Variants in TMTC2 observed in about 807,000 individuals in gnomAD.
The protein encoded by TMTC2 is transmembrane O-mannosyltransferase targeting cadherins 2, also known as protein O-mannosyl-transferase TMTC2.
In TMTC2, 43 loss-of-function variants were observed where a neutral mutation model predicts 82.4. The observed-to-expected ratio is 0.52, with a 90% confidence interval of 0.41 to 0.67. The LOEUF is 0.67. TMTC2 is among the 30% of genes least tolerant of loss of function. The pLI is 0.00. For missense variants in TMTC2, 919 were observed against 1,012.4 expected, an observed-to-expected ratio of 0.91 and a Z score of 1.25; for synonymous variants, 408 against 381.9, an observed-to-expected ratio of 1.07 and a Z score of -0.80.
chr12:82,817,132 C>A (rs34744076), intron 1 of TMTC2, among the ~76,000 whole-genome samples: 24 of 151,644 alleles, frequency 1.6e-4, no homozygotes, highest in African/African-American at 4.8e-5. Flanking sequence ...CACACCCTTG[C>A]TAATTTTTGT....
chr12:82,827,811 C>T (rs919695889), intron 1 of TMTC2, among the ~76,000 whole-genome samples: 1 of 152,062 alleles, frequency 6.6e-6, no homozygotes, highest in African/African-American at 2.4e-5. Context: ...GATCCTCCCA[C>T]TTCAGCCTCC....
At chr12:82,965,476 A>C (rs1361419251) in intron 5 of TMTC2, 84 bp from the exon 6 acceptor site, 3 of 1,484,358 alleles carry the variant, frequency 2.0e-6, no homozygotes, top group Non-Finnish European at 2.8e-6. Flanking sequence ...TAAACCATAG[A>C]AACCAAATTG....
chr12:82,813,617 A>C (rs1367736534), intron 1 of TMTC2, among the ~76,000 whole-genome samples: 1 of 152,036 alleles, frequency 6.6e-6, no homozygotes, highest in Non-Finnish European at 1.5e-5. Context: ...CTATATTTTT[A>C]CAGTTTTATA....
intron 1 of TMTC2, among the ~76,000 whole-genome samples, chr12:82,813,964 AGAT>A (rs1161996534): frequency 6.6e-6 from 1 of 152,138 alleles, no homozygotes; most frequent in Non-Finnish European, 1.5e-5. Context: ...ATAATAATGA[AGAT>A]GATAATGATA....
chr12:83,108,249 T>C (rs183756563), intron 11 of TMTC2, among the ~76,000 whole-genome samples: 206 of 152,266 alleles, frequency 1.4e-3, no homozygotes, highest in African/African-American at 4.7e-3. Flanking sequence ...ATTACATAGT[T>C]CCTTTAATTT....
In TMTC2 at chr12:83,038,993, G is replaced by A. The variant is rs369158125; in HGVS notation, c.2152+8114G>A. Among the ~76,000 whole-genome samples, 116 of 145,180 alleles carry A rather than the reference G, an allele frequency of 8.0e-4. 3 individuals carry two copies. The South Asian group carries it at 0.024, about 30-fold the overall frequency. On this transcript the variant is annotated intron_variant, in intron 9 of 11. Transcript: ENST00000321196. ...GTTGCATAGGCTGGAGTGCAGTGGC[G>A]CGATCTCAGCTCTCTGCAACCTCTG...
At chr12:82,762,363 C>G (rs1229514561) in intron 1 of TMTC2, among the ~76,000 whole-genome samples, 1 of 152,144 alleles carries the variant, frequency 6.6e-6, no homozygotes, top group Non-Finnish European at 1.5e-5. Flanking sequence ...CCCTCCAATG[C>G]TCGTGCAGTT....
chr12:83,047,631 G>C (rs1012770023), intron 9 of TMTC2, among the ~76,000 whole-genome samples: 1 of 152,094 alleles, frequency 6.6e-6, no homozygotes, highest in African/African-American at 2.4e-5. Flanking sequence ...GATGTGTTGT[G>C]ATATTGTTTT....
chr12:82,721,543 AG>A (rs2136927065), intron 1 of TMTC2, among the ~76,000 whole-genome samples: 1 of 152,342 alleles, frequency 6.6e-6, no homozygotes, highest in East Asian at 1.9e-4. Context: ...CCCATTATGC[AG>A]TGAACCTATT....
chr12:82,820,076 C>A (rs2137061539), intron 1 of TMTC2, among the ~76,000 whole-genome samples: 1 of 152,276 alleles, frequency 6.6e-6, no homozygotes, highest in South Asian at 2.1e-4. Flanking sequence ...TGTTCTACGG[C>A]AGGAAGCATC....
chr12:82,724,639 T>C (rs1405020335), intron 1 of TMTC2, among the ~76,000 whole-genome samples: 5 of 152,216 alleles, frequency 3.3e-5, no homozygotes, highest in Non-Finnish European at 5.9e-5. Context: ...TTATCCAGTC[T>C]CAGGTGGTTC....
At chr12:83,040,060 A>G (rs1269864337) in intron 9 of TMTC2, among the ~76,000 whole-genome samples, 1 of 152,258 alleles carries the variant, frequency 6.6e-6, no homozygotes, top group Non-Finnish European at 1.5e-5. Context: ...CTGACCAAGC[A>G]CTGGGCACTT....
At chr12:82,996,502 T>C (rs190572233) in intron 8 of TMTC2, among the ~76,000 whole-genome samples, 1 of 152,352 alleles carries the variant, frequency 6.6e-6, no homozygotes, top group East Asian at 1.9e-4. Flanking sequence ...TGAGGCTCTT[T>C]GTCAAAAGTG....
At chr12:82,989,999 G>C (rs890434083) in intron 8 of TMTC2, among the ~76,000 whole-genome samples, 1 of 152,052 alleles carries the variant, frequency 6.6e-6, no homozygotes, top group African/African-American at 2.4e-5. Context: ...GATCCCTATG[G>C]ATAGCTTTTG....
intron 4 of TMTC2, among the ~76,000 whole-genome samples, chr12:82,946,733 C>T (rs1256618231): frequency 7.8e-6 from 1 of 128,796 alleles, no homozygotes; most frequent in Non-Finnish European, 1.6e-5. Flanking sequence ...AGTAGGCATG[C>T]ACTTTTCTTT....
chr12:83,055,767 G>C (rs573002123), intron 10 of TMTC2, among the ~76,000 whole-genome samples: 2 of 151,452 alleles, frequency 1.3e-5, no homozygotes, highest in South Asian at 4.2e-4. Context: ...ACAGGGTAAG[G>C]GATAAAAGTA....
At chr12:82,943,666 T>C (rs1302624065) in intron 4 of TMTC2, among the ~76,000 whole-genome samples, 4 of 152,206 alleles carry the variant, frequency 2.6e-5, no homozygotes, top group Non-Finnish European at 4.4e-5. Context: ...AGTTTTCACA[T>C]AATTCTGAGA....
intron 1 of TMTC2, among the ~76,000 whole-genome samples, chr12:82,690,801 T>C (rs538328417): frequency 2.6e-4 from 39 of 152,302 alleles, no homozygotes; most frequent in African/African-American, 3.8e-4. Context: ...TAAGTTATGT[T>C]GTATGTGATT....
chr12:82,962,367 T>C (rs1592659803), intron 4 of TMTC2, among the ~76,000 whole-genome samples: 1 of 152,100 alleles, frequency 6.6e-6, no homozygotes, highest in African/African-American at 2.4e-5. Context: ...ATTGCCATCA[T>C]TCAGGTGACA....
Sources: allele counts gnomAD v4.1 joint callset (sites outside exome capture counted in the v4.1 genomes callset), GRCh38; gene constraint gnomAD v4.1.1; transcripts MANE v1.5; gene names NCBI Gene and HGNC (gene_info 2026-07-23, HGNC 2026-07-21).